Variants in AKAP6 observed in about 807,000 individuals in gnomAD.
AKAP6 encodes the protein A-kinase anchor protein 6.
AKAP6 carries 58 observed loss-of-function variants against 188.5 expected under a neutral mutation model. That is an observed-to-expected ratio of 0.31 (90% CI 0.25 to 0.38). AKAP6 has a LOEUF of 0.38. Among genes scored for constraint, AKAP6 ranks in the 10% least tolerant of loss-of-function variants. The pLI is 1.00. For synonymous variants in AKAP6, 989 were observed against 998.6 expected, an observed-to-expected ratio of 0.99 and a Z score of 0.18; for missense variants, 2,710 against 2,740.0, an observed-to-expected ratio of 0.99 and a Z score of 0.24.
rs1055098738 is a variant in AKAP6, at chr14:32,836,711, A to G, written c.*6906A>G. On this transcript the variant is annotated 3_prime_UTR_variant, in exon 14 of 14. Coordinates refer to ENST00000280979, the MANE Select transcript of AKAP6 (RefSeq NM_004274.5). Reference sequence around the variant, plus strand: ...TGGGTTACAAACCCCTTGTGACACCATATTTAAGAGCCACTGCTATTGAGG... The same window carrying G: ...TGGGTTACAAACCCCTTGTGACACCGTATTTAAGAGCCACTGCTATTGAGG... The G allele has an allele frequency of 1.3e-5, 2 of 152,274 alleles. No individual in the cohort carries two copies. The highest frequency in any genetic ancestry group is 2.4e-5 in the African/African-American group (1 of 41,554). The allele number at this position is 152,274 out of a possible 1,614,324, so 9.4% of individuals were successfully genotyped here.
intron 11 of AKAP6, among the ~76,000 whole-genome samples, chr14:32,747,563 C>A (rs1241322248): frequency 6.6e-6 from 1 of 151,994 alleles, no homozygotes; most frequent in East Asian, 1.9e-4. Flanking sequence ...AGGTTTTTTC[C>A]CCACCACATA....
At chr14:32,674,976 A>C (rs1369983267) in intron 7 of AKAP6, among the ~76,000 whole-genome samples, 1 of 152,186 alleles carries the variant, frequency 6.6e-6, no homozygotes, top group Non-Finnish European at 1.5e-5. Flanking sequence ...AGCCAGTGGT[A>C]ATGAAGGCCT....
rs551104667 is a variant in AKAP6, at chr14:32,831,963, C to T, written c.*2158C>T. The T allele has an allele frequency of 1.1e-4, 16 of 152,288 alleles. No individual in the cohort carries two copies. The highest frequency in any genetic ancestry group is 3.6e-4 in the African/African-American group (15 of 41,578). The allele number at this position is 152,288 out of a possible 1,614,324, so 9.4% of individuals were successfully genotyped here. On this transcript the variant is annotated 3_prime_UTR_variant, in exon 14 of 14. Transcript: ENST00000280979. ...TAGTGCCACGCCAAGATCATTTAGA[C>T]GATGCTTATCTGTAATTCTACCACT...
intron 7 of AKAP6, among the ~76,000 whole-genome samples, chr14:32,617,291 C>A (rs889495503): frequency 2.0e-5 from 3 of 152,024 alleles, no homozygotes; most frequent in African/African-American, 7.2e-5. Context: ...CTCATCTCCA[C>A]CTGTTTAATC....
intron 11 of AKAP6, among the ~76,000 whole-genome samples, chr14:32,741,824 T>TC (rs1555358213): frequency 6.9e-6 from 1 of 145,424 alleles, no homozygotes; most frequent in Non-Finnish European, 1.5e-5. Context: ...TGTAGGTTTT[T>TC]TTTTTTTTTT....
intron 2 of AKAP6, among the ~76,000 whole-genome samples, chr14:32,500,240 A>G (rs1228565431): frequency 6.6e-6 from 1 of 152,206 alleles, no homozygotes; most frequent in African/African-American, 2.4e-5. Flanking sequence ...GATCTTGCTA[A>G]CAAAATACTT....
intron 10 of AKAP6, 77 bp from the exon 11 acceptor site, chr14:32,735,581 T>G: frequency 8.9e-7 from 1 of 1,124,274 alleles, no homozygotes; most frequent in Non-Finnish European, 1.3e-6. Flanking sequence ...TTAATCTATG[T>G]TTTTGTTTTT....
rs564580308 is a variant in AKAP6, at chr14:32,776,415, T to G, written c.3588+2522T>G. On this transcript the variant is annotated intron_variant, in intron 12 of 13. Transcript: ENST00000280979. ...TGTCTGCTGCCATGTAAGATGTGCC[T>G]TTTGCCTTCCACCATGATTGTGAGG... Among the ~76,000 whole-genome samples the G allele has an allele frequency of 5.6e-4, 85 of 152,312 alleles. No homozygotes were observed. The East Asian group carries it at 0.015, about 27-fold the overall frequency.
intron 5 of AKAP6, among the ~76,000 whole-genome samples, chr14:32,586,076 T>G (rs1566590578): frequency 6.6e-6 from 1 of 152,142 alleles, no homozygotes; most frequent in African/African-American, 2.4e-5. Context: ...ATTAACTGGA[T>G]GAGGTTCGTG....
rs1012764813 is a variant in AKAP6 at position 32,546,906 on chromosome 14, G to C, written c.2253G>C (p.Glu751Asp). 1 of 1,613,676 alleles carries C rather than the reference G, an allele frequency of 6.2e-7. No homozygotes were observed. Among genetic ancestry groups the C allele is most frequent in the Non-Finnish European group, 8.5e-7 (1 of 1,180,000 alleles). ...SERASSSEKN[E>D]SHSATKSALI... The stretch of plus-strand genomic sequence containing the variant: ...GAGCTTCATCCTCTGAGAAAAATGA[G>C]AGCCATTCTGCCACTAAATCAGCTT... Residue 751 changes from glutamate to aspartate, a missense_variant, in exon 4 of 14, where the codon GAG (glutamate) becomes GAC (aspartate). Transcript: ENST00000280979.
At chr14:32,435,930 A>G (rs555757550) in intron 2 of AKAP6, among the ~76,000 whole-genome samples, 1 of 152,258 alleles carries the variant, frequency 6.6e-6, no homozygotes, top group Non-Finnish European at 1.5e-5. Context: ...TCCACCAAAT[A>G]AGCACTGTCA....
In AKAP6 at chr14:32,800,131, CAT is replaced by C. The variant is rs768823220; in HGVS notation, c.3589-21263_3589-21262del. Among the ~76,000 whole-genome samples the C allele has an allele frequency of 6.2e-3, 878 of 142,438 alleles. 5 individuals are homozygous for C. The highest frequency in any genetic ancestry group is 9.9e-3 in the Non-Finnish European group (653 of 66,104). 93.4% of individuals were successfully genotyped at this position (142,438 alleles called of 152,430 possible). A position where few individuals can be genotyped will look rare whatever the true frequency, so the allele number is the denominator to read the frequency against. On this transcript the variant is annotated intron_variant, in intron 12 of 13. Transcript: ENST00000280979. ...ATATATATACACATATATATACACA[CAT>C]ATATATACACACATATATACATATA...
intron 1 of AKAP6, among the ~76,000 whole-genome samples, chr14:32,384,257 C>A (rs566604085): frequency 6.6e-6 from 1 of 152,112 alleles, no homozygotes; most frequent in Non-Finnish European, 1.5e-5. Context: ...TTTCTTTACT[C>A]GGTAAATTTT....
Position 32,678,394 on chromosome 14 carries a change from C to T in AKAP6, c.2814C>T (p.Thr938=). 4 of 1,613,844 alleles carry T rather than the reference C, an allele frequency of 2.5e-6. No individual in the cohort carries two copies. In the South Asian group the frequency reaches 4.4e-5, roughly 18 times the overall value. ...MSLKLYSEQY[T]SSSKRKEEFA... Reference sequence around the variant, plus strand: ...TCAAGCTGTACAGCGAGCAGTATACCAGCAGCAGCAAGCGAAAGGAAGAGT... The same window carrying T: ...TCAAGCTGTACAGCGAGCAGTATACTAGCAGCAGCAAGCGAAAGGAAGAGT... The change falls in exon 8 of 14, where the codon ACC becomes ACT. Residue 938 remains threonine (T), a synonymous_variant. Transcript: ENST00000280979.
chr14:32,543,918 A>G (rs1883073700), intron 3 of AKAP6, among the ~76,000 whole-genome samples: 1 of 152,220 alleles, frequency 6.6e-6, no homozygotes, highest in South Asian at 2.1e-4. Context: ...TCATTTATAG[A>G]TGAGGACTCT....
At position 32,827,963 on chromosome 14, in the gene AKAP6, T is replaced by C. The variant is rs560716261; in HGVS notation, c.*43-1885T>C. Among the ~76,000 whole-genome samples the C allele has an allele frequency of 2.0e-5, 3 of 152,158 alleles. No homozygotes were observed. The East Asian group carries it at 5.8e-4, about 29-fold the overall frequency. On this transcript the variant is annotated intron_variant, in intron 13 of 13. Coordinates refer to ENST00000280979, the MANE Select transcript of AKAP6 (RefSeq NM_004274.5). ...AGTGATTTGGGGTTTTGTTTTACTA[T>C]GTGTATGTGTATGAGTGTGGTGTTT...
At chr14:32,649,435 C>T (rs896984628) in intron 7 of AKAP6, among the ~76,000 whole-genome samples, 1 of 152,120 alleles carries the variant, frequency 6.6e-6, no homozygotes, top group African/African-American at 2.4e-5. Context: ...AGGAGAAATG[C>T]ATGTTAAAAC....
At chr14:32,375,621 C>G (rs576943470) in intron 1 of AKAP6, among the ~76,000 whole-genome samples, 1 of 152,012 alleles carries the variant, frequency 6.6e-6, no homozygotes, top group East Asian at 1.9e-4. Context: ...AAGGGAATCA[C>G]CCCAGATGGA....
chr14:32,589,805 C>A (rs1167817347), intron 5 of AKAP6, among the ~76,000 whole-genome samples: 1 of 152,062 alleles, frequency 6.6e-6, no homozygotes, highest in Admixed American at 6.5e-5. Context: ...CTATTTAGGG[C>A]AGTATTATAC....
Sources: gnomAD v4.1 joint callset for allele counts (sites outside exome capture counted in the v4.1 genomes callset) on GRCh38, gnomAD v4.1.1 for gene constraint, MANE v1.5 for transcripts, NCBI Gene and HGNC (gene_info 2026-07-23, HGNC 2026-07-21) for gene names.